The following ZMYM2 variants were observed in gnomAD, a reference collection of about 807,000 sequenced individuals.
ZMYM2 encodes zinc finger MYM-type protein 2.
A neutral mutation model predicts 162.8 loss-of-function variants in ZMYM2; 56 were observed. That is an observed-to-expected ratio of 0.34 (90% confidence interval 0.28 to 0.43). The LOEUF is 0.43. Ranked by LOEUF, ZMYM2 falls within the 20% of genes least tolerant of loss-of-function variation. ZMYM2 has a pLI of 1.00. For missense variants in ZMYM2, 1,275 were observed against 1,621.8 expected, an observed-to-expected ratio of 0.79 and a Z score of 3.67; for synonymous variants, 510 against 541.6, an observed-to-expected ratio of 0.94 and a Z score of 0.81.
chr13:20,026,793 A>AAAGG (rs1260099875), intron 8 of ZMYM2, 31 bp downstream of exon 8: 2 of 1,556,738 alleles, frequency 1.3e-6, no homozygotes, highest in Non-Finnish European at 1.7e-6. Context: ...CAGTTAAAAA[A>AAAGG]ACTTTACAAC....
intron 5 of ZMYM2, 121 bp from the exon 6 acceptor site, chr13:20,006,248 ATTTTT>A (rs60469557): frequency 5.4e-6 from 3 of 553,862 alleles, no homozygotes; most frequent in South Asian, 4.4e-5. Flanking sequence ...AAAAAAAAAA[ATTTTT>A]TTTTTCCTTT....
chr13:20,074,237 T>A (rs4066783), intron 21 of ZMYM2, among the ~76,000 whole-genome samples: 24,666 of 127,298 alleles, frequency 0.19, 2,829 homozygotes, highest in African/African-American at 0.33. Context: ...TGTGTGTGTG[T>A]GAGAGAGACA....
Position 20,085,838 on chromosome 13 carries a change from C to A in ZMYM2, c.3958C>A (p.Gln1320Lys). ...CCTCCAAAGTCCACAGAATCTTAAT[C>A]AGAGGATGGATGTTTTTTATTTGCA... ...YLSKSPQNLN[Q>K]RMDVFYLQPE... is the part of the protein sequence containing the mutation. The change falls in exon 25 of 25, where the codon CAG becomes AAG. Residue 1320 changes from glutamine (Q) to lysine (K), a missense_variant. Transcript: ENST00000610343. 1 of 1,606,012 alleles carries A rather than the reference C, an allele frequency of 6.2e-7. No homozygotes were observed. Among genetic ancestry groups the A allele is most frequent in the East Asian group, 2.2e-5 (1 of 44,780 alleles).
At chr13:19,971,864 G>A (rs1030662676) in intron 2 of ZMYM2, among the ~76,000 whole-genome samples, 8 of 151,844 alleles carry the variant, frequency 5.3e-5, no homozygotes, top group Non-Finnish European at 1.0e-4. Flanking sequence ...AGGGGATAGA[G>A]CAAGTTAAAA....
At position 19,997,948 on chromosome 13, in the gene ZMYM2, C is replaced by T. The variant is rs377347842; in HGVS notation, c.847+4029C>T. Among the ~76,000 whole-genome samples, 54 of 152,132 alleles carry T rather than the reference C, an allele frequency of 3.5e-4. No individual in the cohort carries two copies. In the East Asian group the frequency reaches 8.1e-3, roughly 23 times the overall value. ...TTAGATAATTATTTTTAAGAATATT[C>T]TTGTGTATACATCTTGGGATACTTA... On this transcript the variant is annotated intron_variant, in intron 3 of 24. Transcript: ENST00000610343.
intron 16 of ZMYM2, among the ~76,000 whole-genome samples, chr13:20,060,064 G>A (rs1214956008): frequency 6.6e-6 from 1 of 152,154 alleles, no homozygotes; most frequent in Non-Finnish European, 1.5e-5. Context: ...ATTATTTGAG[G>A]ATGTGAAATC....
chr13:20,068,540 CAA>C (rs1305038700), intron 21 of ZMYM2, among the ~76,000 whole-genome samples: 3 of 152,040 alleles, frequency 2.0e-5, no homozygotes, highest in Admixed American at 6.5e-5. Flanking sequence ...AAAATCCAAA[CAA>C]TGATGAATTC....
chr13:20,083,784 T>C lies in ZMYM2; in HGVS notation c.3941+8T>C, dbSNP rs369242540. On this transcript the variant is annotated splice_region_variant and intron_variant, in intron 24 of 24. Transcript: ENST00000610343. ...ATGCTACTTGTCTAAAAGGTGAGTG[T>C]TAATGATACTTAACTTTTAAAAATG... is the stretch of plus-strand genomic sequence containing the variant. 2.9e-4 allele frequency: 461 copies of C among 1,597,130 alleles called. 1 individual carries two copies. The highest frequency in any genetic ancestry group is 3.7e-4 in the Non-Finnish European group (438 of 1,171,886).
chr13:20,055,038 TA>T (rs1955678976), intron 14 of ZMYM2, among the ~76,000 whole-genome samples: 1 of 147,116 alleles, frequency 6.8e-6, no homozygotes, highest in African/African-American at 2.5e-5. Flanking sequence ...GGATGGAAAA[TA>T]AAGGATTTGC....
Position 19,971,244 on chromosome 13 carries a change from G to GTATA in ZMYM2, c.-11+11234_-11+11237dup, listed in dbSNP as rs1555278426. ...TTTATATATATGTGTGTGTGTGTGT[G>GTATA]TATATATATATATATATATTTTTTT... is the stretch of plus-strand genomic sequence containing the variant. On this transcript the variant is annotated intron_variant, in intron 2 of 24. Coordinates refer to ENST00000610343, the MANE Select transcript of ZMYM2 (RefSeq NM_197968.4). Among the ~76,000 whole-genome samples, 16 of 50,132 alleles carry GTATA rather than the reference G, an allele frequency of 3.2e-4. 1 individual carries two copies. Among genetic ancestry groups the GTATA allele is most frequent in the African/African-American group, 1.0e-3 (16 of 15,268 alleles). 32.9% of individuals were successfully genotyped at this position (50,132 alleles called of 152,430 possible). A position where few individuals can be genotyped will look rare whatever the true frequency, so the allele number is the denominator to read the frequency against.
At chr13:19,882,752 CAAAA>C in the ZMYM2 span, among the ~76,000 whole-genome samples, 1 of 150,714 alleles carries the variant, frequency 6.6e-6, no homozygotes, top group Non-Finnish European at 1.5e-5. Context: ...GTCTCAAAAA[CAAAA>C]AAGAACACGA....
At chr13:20,074,715 T>C (rs548715704) in intron 21 of ZMYM2, among the ~76,000 whole-genome samples, 2 of 152,232 alleles carry the variant, frequency 1.3e-5, no homozygotes, top group Admixed American at 1.3e-4. Flanking sequence ...ATTTTTTGTA[T>C]TTTTAGTAGA....
At chr13:20,040,666 G>A (rs1044383693) in intron 12 of ZMYM2, among the ~76,000 whole-genome samples, 11 of 152,028 alleles carry the variant, frequency 7.2e-5, no homozygotes, top group African/African-American at 2.4e-4. Flanking sequence ...GTTTTCTCTT[G>A]GTTCTCTAGT....
At chr13:19,961,511 A>G (rs991700366) in intron 2 of ZMYM2, among the ~76,000 whole-genome samples, 5 of 152,218 alleles carry the variant, frequency 3.3e-5, no homozygotes, top group Admixed American at 3.3e-4. Context: ...TAGATCTTTC[A>G]AATAGATGGA....
At chr13:19,962,620 G>A (rs1177081900) in intron 2 of ZMYM2, among the ~76,000 whole-genome samples, 1 of 144,756 alleles carries the variant, frequency 6.9e-6, no homozygotes, top group East Asian at 2.0e-4. Context: ...TGCCTCCTGG[G>A]TTCAAGTGAT....
At chr13:19,879,557 T>C in the ZMYM2 span, among the ~76,000 whole-genome samples, 1 of 152,348 alleles carries the variant, frequency 6.6e-6, no homozygotes, top group South Asian at 2.1e-4. Context: ...TGTAGCTCTA[T>C]AGTAAGTTTG....
At chr13:19,964,481 T>C (rs552276898) in intron 2 of ZMYM2, among the ~76,000 whole-genome samples, 1 of 152,338 alleles carries the variant, frequency 6.6e-6, no homozygotes, top group African/African-American at 2.4e-5. Context: ...TCCACACTGC[T>C]CTCAAACTGC....
chr13:20,008,384 G>A (rs1394247311), intron 6 of ZMYM2, among the ~76,000 whole-genome samples: 2 of 152,192 alleles, frequency 1.3e-5, no homozygotes, highest in African/African-American at 4.8e-5. Context: ...GCCCACCTCG[G>A]CCTTCCAAAG....
At chr13:19,903,796 C>T in the ZMYM2 span, among the ~76,000 whole-genome samples, 67 of 151,840 alleles carry the variant, frequency 4.4e-4, no homozygotes, top group African/African-American at 1.6e-3. Context: ...CTGCAGTGAG[C>T]CATGATCATG....
Sources: allele counts gnomAD v4.1 joint callset (sites outside exome capture counted in the v4.1 genomes callset), GRCh38; gene constraint gnomAD v4.1.1; transcripts MANE v1.5; gene names NCBI Gene and HGNC (gene_info 2026-07-23, HGNC 2026-07-21).